The following DHX35 variants were observed in gnomAD, a reference collection of about 807,000 sequenced individuals.
The protein encoded by DHX35 is probable ATP-dependent RNA helicase DHX35.
DHX35 carries 84 observed loss-of-function variants against 99.6 expected under a neutral mutation model. The ratio of observed to expected loss-of-function variants is 0.84; its 90% CI spans 0.71 to 1.01. The LOEUF is 1.01. DHX35 is among the 50% of genes least tolerant of loss of function. The pLI is 0.00. For synonymous variants in DHX35, 331 were observed against 316.2 expected (o/e 1.05, Z -0.50); for missense variants, 852 against 888.5 (o/e 0.96, Z 0.52).
intron 3 of DHX35, among the ~76,000 whole-genome samples, chr20:38,979,200 A>G (rs1005030454): frequency 6.6e-5 from 10 of 152,206 alleles, no homozygotes; most frequent in Non-Finnish European, 1.0e-4. Flanking sequence ...GTATGTGAAC[A>G]TAATTTACCA....
chr20:39,007,418 C>G (rs2086637535), intron 12 of DHX35, among the ~76,000 whole-genome samples: 1 of 152,184 alleles, frequency 6.6e-6, no homozygotes, highest in African/African-American at 2.4e-5. Flanking sequence ...AATCGGGAGC[C>G]TTGGAAGCAG....
At chr20:38,971,738 A>G (rs1263446094) in intron 2 of DHX35, among the ~76,000 whole-genome samples, 1 of 151,828 alleles carries the variant, frequency 6.6e-6, no homozygotes, top group Non-Finnish European at 1.5e-5. Context: ...ACTGTTCTAC[A>G]TCTCACTTCC....
rs1377880947 is a variant in DHX35, at chr20:39,003,835, C to T, written c.939C>T (p.Leu313=). The stretch of plus-strand genomic sequence containing the variant: ...GGATGAAGAGACACCTCCGAGTTCT[C>T]CCCATGTATGCAGGACTGCCTTCCT... ...RTGMKRHLRV[L]PMYAGLPSFE... is the part of the protein sequence containing the mutation. The change falls in exon 11 of 22, where the codon CTC becomes CTT. Residue 313 remains leucine (L), a synonymous_variant. Coordinates refer to ENST00000252011, the MANE Select transcript of DHX35 (RefSeq NM_021931.4). The T allele has an allele frequency of 2.5e-6, 4 of 1,614,156 alleles. No homozygotes were observed. Among genetic ancestry groups the T allele is most frequent in the South Asian group, 1.1e-5 (1 of 91,072 alleles).
intron 15 of DHX35, among the ~76,000 whole-genome samples, chr20:39,020,667 T>C (rs1045398354): frequency 3.4e-5 from 5 of 145,396 alleles, no homozygotes; most frequent in Non-Finnish European, 1.5e-5. Context: ...TTTTTTTTTT[T>C]TTTTTTTTTG....
chr20:39,014,426 G>T (rs943215079), intron 13 of DHX35, among the ~76,000 whole-genome samples: 1 of 152,164 alleles, frequency 6.6e-6, no homozygotes, highest in African/African-American at 2.4e-5. Flanking sequence ...CAAATTCAGC[G>T]TATGTTATTT....
Position 39,018,940 on chromosome 20 carries a change from T to C in DHX35, c.1498+41T>C, listed in dbSNP as rs113222771. On this transcript the variant is annotated intron_variant, in intron 15 of 21. Transcript: ENST00000252011. Reference sequence around the variant, plus strand: ...TAGCTTGAATTGATTTTATTTTGACTGTCAGAGGTGTTGTTTGCCTGAATT... The same window carrying C: ...TAGCTTGAATTGATTTTATTTTGACCGTCAGAGGTGTTGTTTGCCTGAATT... 27 of 1,599,848 alleles carry C rather than the reference T, an allele frequency of 1.7e-5. 1 individual carries two copies. Among genetic ancestry groups the C allele is most frequent in the African/African-American group, 1.3e-4 (10 of 74,700 alleles).
chr20:39,015,065 C>T, intron 14 of DHX35, 131 bp downstream of exon 14: 1 of 1,002,798 alleles, frequency 1.0e-6, no homozygotes, highest in Non-Finnish European at 1.5e-6. Context: ...TATAATCCCC[C>T]TAATGATACT....
At chr20:38,979,457 C>T (rs1264810055) in intron 3 of DHX35, among the ~76,000 whole-genome samples, 1 of 152,068 alleles carries the variant, frequency 6.6e-6, no homozygotes, top group Non-Finnish European at 1.5e-5. Context: ...TCAAAAAGAA[C>T]AAAGGAATAA....
intron 21 of DHX35, among the ~76,000 whole-genome samples, chr20:39,036,507 CAT>C (rs2087153124): frequency 6.6e-6 from 1 of 152,042 alleles, no homozygotes; most frequent in Non-Finnish European, 1.5e-5. Context: ...GGGTGGAACA[CAT>C]GAGGACAGGA....
intron 16 of DHX35, among the ~76,000 whole-genome samples, chr20:39,022,602 T>C (rs987082718): frequency 2.0e-5 from 3 of 152,286 alleles, no homozygotes; most frequent in Middle Eastern, 6.8e-3. Flanking sequence ...GTCAGGGAAA[T>C]TGTCATTCAG....
chr20:39,008,201 T>G (rs2086648970), intron 12 of DHX35, among the ~76,000 whole-genome samples: 1 of 152,240 alleles, frequency 6.6e-6, no homozygotes, highest in African/African-American at 2.4e-5. Flanking sequence ...TTATCTACAT[T>G]GTAGCATGTA....
At chr20:39,017,581 A>C (rs190882827) in intron 14 of DHX35, among the ~76,000 whole-genome samples, 39 of 152,202 alleles carry the variant, frequency 2.6e-4, no homozygotes, top group Admixed American at 5.2e-4. Flanking sequence ...GCTTCATTTG[A>C]TTTCAAGCTG....
At chr20:39,000,861 T>C (rs181385912) in intron 8 of DHX35, among the ~76,000 whole-genome samples, 4 of 152,324 alleles carry the variant, frequency 2.6e-5, no homozygotes, top group Non-Finnish European at 5.9e-5. Context: ...ATGCCCCCTC[T>C]GCAGTGGGCA....
At chr20:38,963,439 A>T (rs536661840) in intron 1 of DHX35, among the ~76,000 whole-genome samples, 19 of 152,340 alleles carry the variant, frequency 1.2e-4, no homozygotes, top group African/African-American at 4.6e-4. Context: ...CAAGCAAGAG[A>T]TATGTTTAAT....
intron 5 of DHX35, among the ~76,000 whole-genome samples, 180 bp downstream of exon 5, chr20:38,989,097 C>CTTTTTTTT (rs375064892): frequency 1.6e-5 from 2 of 125,322 alleles, no homozygotes; most frequent in Non-Finnish European, 3.4e-5. Flanking sequence ...TTCCTTTTTT[C>CTTTTTTTT]TTTTTTTTTT....
At chr20:38,972,685 C>T (rs768522732) in intron 3 of DHX35, 34 bp downstream of exon 3, 10 of 1,462,958 alleles carry the variant, frequency 6.8e-6, no homozygotes, top group South Asian at 2.4e-5. Context: ...CTTTACACTT[C>T]GATTTGGCTG....
chr20:38,973,689 G>A (rs1299080213), intron 3 of DHX35, among the ~76,000 whole-genome samples: 1 of 152,230 alleles, frequency 6.6e-6, no homozygotes, highest in Non-Finnish European at 1.5e-5. Flanking sequence ...GCAAGTCACA[G>A]CCAGTGTGCC....
rs928879461 is a variant in DHX35, at chr20:39,038,383, T to C, written c.2068-116T>C. On this transcript the variant is annotated intron_variant, in intron 21 of 21. Coordinates refer to ENST00000252011, the MANE Select transcript of DHX35 (RefSeq NM_021931.4). ...GTTTCATGAACAGCTCAGCATTTAC[T>C]GGGAAGGTGTGGACCAGATGGAAGA... The C allele has an allele frequency of 5.2e-6, 6 of 1,149,402 alleles. No homozygotes were observed. In the African/African-American group the frequency reaches 9.2e-5, roughly 18 times the overall value. 71.2% of individuals were successfully genotyped at this position (1,149,402 alleles called of 1,614,324 possible). A position where few individuals can be genotyped will look rare whatever the true frequency, so the allele number is the denominator to read the frequency against.
chr20:38,994,921 A>G lies in DHX35; in HGVS notation c.642+41A>G, dbSNP rs769333613. The G allele has an allele frequency of 3.4e-5, 53 of 1,577,364 alleles. 1 individual carries two copies. In the South Asian group the frequency reaches 5.6e-4, roughly 17 times the overall value. ...CCCCTTTCCTCCTCTCCTCACAAAC[A>G]CTTTTGTCCTATATATCCTTGGGAA... On this transcript the variant is annotated intron_variant, in intron 8 of 21. Transcript: ENST00000252011.
Sources: allele counts gnomAD v4.1 joint callset (sites outside exome capture counted in the v4.1 genomes callset), GRCh38; gene constraint gnomAD v4.1.1; transcripts MANE v1.5; gene names NCBI Gene and HGNC (gene_info 2026-07-23, HGNC 2026-07-21).